The following HIVEP3 variants were observed in gnomAD, a reference collection of about 807,000 sequenced individuals.
The protein encoded by HIVEP3 is HIVEP zinc finger 3.
Under a neutral mutation model 152.8 loss-of-function variants are expected in HIVEP3, and 49 were observed. The observed-to-expected ratio is 0.32, with a 90% CI of 0.26 to 0.41. HIVEP3 has a LOEUF of 0.41. HIVEP3 is among the 10% of genes least tolerant of loss of function. The pLI is 1.00. For synonymous variants in HIVEP3, 1,269 were observed against 1,289.0 expected, an observed-to-expected ratio of 0.98 and a Z score of 0.33; for missense variants, 2,790 against 3,103.3, an observed-to-expected ratio of 0.90 and a Z score of 2.40.
At chr1:41,622,195 C>T (rs542170785) in intron 3 of HIVEP3, among the ~76,000 whole-genome samples, 1 of 152,164 alleles carries the variant, frequency 6.6e-6, no homozygotes, top group Admixed American at 6.5e-5. Flanking sequence ...TAGAGGGGAG[C>T]CCCTCTCATG....
chr1:41,761,088 A>T (rs1647640915), intron 1 of HIVEP3, among the ~76,000 whole-genome samples: 1 of 152,240 alleles, frequency 6.6e-6, no homozygotes, highest in African/African-American at 2.4e-5. Context: ...CAGGGCAGAG[A>T]GATTACAGGG....
At chr1:41,934,679 C>T (rs1457759175) in intron 1 of HIVEP3, among the ~76,000 whole-genome samples, 2 of 152,120 alleles carry the variant, frequency 1.3e-5, no homozygotes, top group Non-Finnish European at 2.9e-5. Context: ...GTTCCAAAAA[C>T]ACCTCTATCT....
intron 1 of HIVEP3, among the ~76,000 whole-genome samples, chr1:41,777,151 TG>T (rs754463506): frequency 5.3e-5 from 8 of 152,194 alleles, no homozygotes; most frequent in Non-Finnish European, 8.8e-5. Context: ...GTGCAGAGCC[TG>T]ATCTGGGGCT....
intron 1 of HIVEP3, among the ~76,000 whole-genome samples, chr1:41,973,326 C>A (rs1454998197): frequency 6.6e-6 from 1 of 152,216 alleles, no homozygotes; most frequent in Non-Finnish European, 1.5e-5. Flanking sequence ...AAGGCCTTGG[C>A]CCTGAGACTC....
At chr1:41,518,320 A>G in intron 7 of HIVEP3, 82 bp downstream of exon 7, 1 of 1,170,028 alleles carries the variant, frequency 8.5e-7, no homozygotes, top group Non-Finnish European at 1.3e-6. Flanking sequence ...GAAAGGAAGC[A>G]GGGAAGGCAA....
intron 2 of HIVEP3, among the ~76,000 whole-genome samples, chr1:41,666,206 A>G (rs1386779658): frequency 6.6e-6 from 1 of 152,148 alleles, no homozygotes; most frequent in African/African-American, 2.4e-5. Context: ...TGTTGCACAC[A>G]TGAAGCTTCT....
intron 1 of HIVEP3, among the ~76,000 whole-genome samples, chr1:41,967,519 C>T (rs776444964): frequency 4.6e-5 from 7 of 152,140 alleles, no homozygotes; most frequent in Admixed American, 3.9e-4. Flanking sequence ...AGACAATGTA[C>T]CAGAATCTCT....
chr1:41,683,642 C>A (rs1450384747), intron 2 of HIVEP3, among the ~76,000 whole-genome samples: 16 of 152,174 alleles, frequency 1.1e-4, no homozygotes, highest in Non-Finnish European at 1.2e-4. Context: ...GGGAGGAAGC[C>A]CACAATGGCT....
chr1:41,888,255 T>C (rs1400141064), intron 1 of HIVEP3, among the ~76,000 whole-genome samples: 2 of 144,124 alleles, frequency 1.4e-5, no homozygotes, highest in African/African-American at 2.6e-5. Context: ...GGTTTCAACA[T>C]GTTAGCCAGG....
chr1:41,513,118 G>A lies in HIVEP3; in HGVS notation c.6103C>T (p.Pro2035Ser), dbSNP rs1329815146. Reference sequence around the variant, plus strand: ...CTTCCCAGGGGGCAGAGGGTGAGAGGAGACAGCTGAAGTCTTGGAGACCCA... The same window carrying A: ...CTTCCCAGGGGGCAGAGGGTGAGAGAAGACAGCTGAAGTCTTGGAGACCCA... The part of the protein sequence containing the change: ...PCGSPRLQLS[P>S]LTLCPLGREL... The change falls in exon 8 of 9, where the codon CCT becomes TCT. Residue 2035 changes from proline (P) to serine (S), a missense_variant. By Grantham distance (74) the Pro-to-Ser change is moderately conservative (BLOSUM62 -1). Transcript: ENST00000372583. The A allele has an allele frequency of 1.9e-6, 3 of 1,613,728 alleles. No individual in the cohort carries two copies. The highest frequency in any genetic ancestry group is 2.5e-6 in the Non-Finnish European group (3 of 1,180,010).
chr1:41,803,467 C>T (rs1273787127), intron 1 of HIVEP3, among the ~76,000 whole-genome samples: 2 of 152,198 alleles, frequency 1.3e-5, no homozygotes, highest in African/African-American at 2.4e-5. Context: ...TGATTCCTGT[C>T]ATGTCCTAAC....
At chr1:41,877,212 T>A (rs1644184226) in intron 1 of HIVEP3, among the ~76,000 whole-genome samples, 1 of 152,160 alleles carries the variant, frequency 6.6e-6, no homozygotes, top group Non-Finnish European at 1.5e-5. Flanking sequence ...GACAGCCTGG[T>A]TCACACAACA....
intron 1 of HIVEP3, among the ~76,000 whole-genome samples, chr1:41,765,006 A>T (rs1345890194): frequency 6.6e-6 from 1 of 152,218 alleles, no homozygotes; most frequent in African/African-American, 2.4e-5. Flanking sequence ...TGTCATGTCA[A>T]CTGTGTCACC....
chr1:41,735,732 G>A (rs573799512), intron 1 of HIVEP3, among the ~76,000 whole-genome samples: 13 of 152,194 alleles, frequency 8.5e-5, no homozygotes, highest in African/African-American at 9.6e-5. Flanking sequence ...CATGACAGGC[G>A]GATGGAGGAT....
intron 1 of HIVEP3, among the ~76,000 whole-genome samples, chr1:41,976,451 G>T (rs1033255288): frequency 4.6e-5 from 7 of 152,142 alleles, no homozygotes; most frequent in Non-Finnish European, 1.0e-4. Flanking sequence ...CAAACCTCCC[G>T]TCTGTTCTAA....
chr1:41,824,884 AG>A (rs1255628929), intron 1 of HIVEP3, among the ~76,000 whole-genome samples: 1 of 150,984 alleles, frequency 6.6e-6, no homozygotes, highest in Non-Finnish European at 1.5e-5. Flanking sequence ...AGAGAAAGAG[AG>A]ACAGAGAGAT....
At chr1:41,590,591 CT>C (rs1644573463) in intron 3 of HIVEP3, among the ~76,000 whole-genome samples, 1 of 152,216 alleles carries the variant, frequency 6.6e-6, no homozygotes, top group Non-Finnish European at 1.5e-5. Flanking sequence ...CCACCTGCCC[CT>C]GAGAGAGACA....
intron 1 of HIVEP3, among the ~76,000 whole-genome samples, chr1:41,948,818 G>A (rs1199090740): frequency 6.6e-6 from 1 of 151,770 alleles, no homozygotes; most frequent in African/African-American, 2.4e-5. Flanking sequence ...ATTATTTACT[G>A]GACCAGGCCT....
chr1:41,933,226 T>C (rs1196801086), intron 1 of HIVEP3, among the ~76,000 whole-genome samples: 1 of 152,088 alleles, frequency 6.6e-6, no homozygotes, highest in African/African-American at 2.4e-5. Flanking sequence ...ATGATTTTCT[T>C]TCCATTTGTT....
Sources: gnomAD v4.1 joint callset for allele counts (sites outside exome capture counted in the v4.1 genomes callset) on GRCh38, gnomAD v4.1.1 for gene constraint, MANE v1.5 for transcripts, NCBI Gene and HGNC (gene_info 2026-07-23, HGNC 2026-07-21) for gene names.